The following STEAP1B variants were observed in gnomAD, a reference collection of about 807,000 sequenced individuals.
STEAP1B encodes the protein STEAP family protein MGC87042.
In STEAP1B, 13 loss-of-function variants were observed where a neutral mutation model predicts 27.9. The ratio of observed to expected loss-of-function variants is 0.47; its 90% confidence interval spans 0.30 to 0.74. STEAP1B has a LOEUF of 0.74. Among genes scored for constraint, STEAP1B ranks in the 30% least tolerant of loss-of-function variants. The pLI, the probability that STEAP1B is intolerant of heterozygous loss-of-function variation, is 0.06. For synonymous variants in STEAP1B, 86 were observed against 107.1 expected, an observed-to-expected ratio of 0.80 and a Z score of 1.22; for missense variants, 250 against 298.7, an observed-to-expected ratio of 0.84 and a Z score of 1.20.
intron 4 of STEAP1B, among the ~76,000 whole-genome samples, chr7:22,482,976 A>C (rs1039072121): frequency 7.9e-5 from 12 of 151,320 alleles, no homozygotes; most frequent in Non-Finnish European, 1.3e-4. Flanking sequence ...CACCTTGTCC[A>C]TTGACTGCCA....
intron 4 of STEAP1B, among the ~76,000 whole-genome samples, chr7:22,432,985 T>C (rs1157013981): frequency 1.3e-5 from 2 of 152,166 alleles, no homozygotes; most frequent in Admixed American, 1.3e-4. Context: ...TACTCAGCCC[T>C]TCAGCTCTGC....
chr7:22,451,685 T>C (rs893990042), intron 4 of STEAP1B, among the ~76,000 whole-genome samples: 11 of 152,240 alleles, frequency 7.2e-5, no homozygotes, highest in African/African-American at 2.7e-4. Context: ...ATGTATCATA[T>C]TGATTGATTT....
intron 4 of STEAP1B, among the ~76,000 whole-genome samples, chr7:22,480,290 C>T (rs1345767130): frequency 2.6e-5 from 4 of 152,330 alleles, no homozygotes; most frequent in Admixed American, 6.5e-5. Context: ...GGTCTTCCCA[C>T]ATACACAGCA....
chr7:22,473,634 G>T (rs1238186321), intron 4 of STEAP1B, among the ~76,000 whole-genome samples: 1 of 152,152 alleles, frequency 6.6e-6, no homozygotes, highest in Non-Finnish European at 1.5e-5. Flanking sequence ...CTACTACCTG[G>T]TCTCCAACCC....
At chr7:22,484,123 T>A (rs1786133347) in intron 4 of STEAP1B, among the ~76,000 whole-genome samples, 1 of 152,222 alleles carries the variant, frequency 6.6e-6, no homozygotes, top group South Asian at 2.1e-4. Flanking sequence ...ATGGAGAAGC[T>A]GTAGTGAGTT....
intron 4 of STEAP1B, among the ~76,000 whole-genome samples, chr7:22,453,422 T>C (rs1434631446): frequency 6.6e-6 from 1 of 152,200 alleles, no homozygotes; most frequent in Non-Finnish European, 1.5e-5. Flanking sequence ...TTGCAGTCAT[T>C]GGCCTCAGGG....
At chr7:22,460,713 G>A (rs1317495971) in intron 4 of STEAP1B, among the ~76,000 whole-genome samples, 1 of 152,144 alleles carries the variant, frequency 6.6e-6, no homozygotes, top group East Asian at 1.9e-4. Context: ...AGGGCCTGAG[G>A]CTGGGGCAGG....
chr7:22,497,568 A>C (rs1231804013), intron 1 of STEAP1B, among the ~76,000 whole-genome samples: 1 of 152,108 alleles, frequency 6.6e-6, no homozygotes, highest in Non-Finnish European at 1.5e-5. Context: ...TATGAACCCA[A>C]CTCTGTGACC....
chr7:22,493,278 T>C, intron 3 of STEAP1B, 46 bp downstream of exon 3: 1 of 1,527,494 alleles, frequency 6.5e-7, no homozygotes. Flanking sequence ...ATTTGTTAGG[T>C]GACTTAGACT....
intron 4 of STEAP1B, among the ~76,000 whole-genome samples, chr7:22,450,193 A>G (rs903806708): frequency 3.5e-4 from 51 of 146,680 alleles, no homozygotes; most frequent in African/African-American, 1.4e-3. Context: ...GTATTACTCA[A>G]GTGCTTGTGG....
In STEAP1B at chr7:22,477,074, C is replaced by T. The variant is rs546633255; in HGVS notation, c.762+15491G>A. On this transcript the variant is annotated intron_variant, in intron 4 of 4. Transcript: ENST00000678116. ...CTGAGTAACCTAATCAAGGAAGTGA[C>T]GTCACGCACCTTCCCCATACAAGGG... Among the ~76,000 whole-genome samples the T allele has an allele frequency of 8.2e-4, 125 of 152,300 alleles. 2 individuals carry two copies. The South Asian group carries it at 0.014, about 17-fold the overall frequency.
At chr7:22,436,255 T>C (rs1007295316) in intron 4 of STEAP1B, among the ~76,000 whole-genome samples, 8 of 152,204 alleles carry the variant, frequency 5.3e-5, no homozygotes, top group Non-Finnish European at 1.0e-4. Flanking sequence ...GCTGTACATA[T>C]GTAATGTGTA....
At chr7:22,428,838 C>T (rs973267266) in intron 4 of STEAP1B, among the ~76,000 whole-genome samples, 4 of 151,958 alleles carry the variant, frequency 2.6e-5, no homozygotes, top group African/African-American at 9.7e-5. Flanking sequence ...ATACATATGA[C>T]TAAGGTGAGT....
At chr7:22,439,129 C>T (rs2528844) in intron 4 of STEAP1B, among the ~76,000 whole-genome samples, 7 of 151,892 alleles carry the variant, frequency 4.6e-5, no homozygotes, top group African/African-American at 1.7e-4. Flanking sequence ...TAAAGAAGCA[C>T]CAGCTTCTAC....
chr7:22,427,845 G>A (rs192636000), intron 4 of STEAP1B, among the ~76,000 whole-genome samples: 1 of 152,226 alleles, frequency 6.6e-6, no homozygotes, highest in Non-Finnish European at 1.5e-5. Flanking sequence ...AATGAGGAAA[G>A]GTACGAGTAG....
At chr7:22,483,696 C>T (rs1275325472) in intron 4 of STEAP1B, among the ~76,000 whole-genome samples, 2 of 152,158 alleles carry the variant, frequency 1.3e-5, no homozygotes, top group African/African-American at 4.8e-5. Flanking sequence ...TTTTGGGATA[C>T]CACAACTCTG....
chr7:22,458,271 TTTAG>T (rs1785620306), intron 4 of STEAP1B, among the ~76,000 whole-genome samples: 1 of 152,138 alleles, frequency 6.6e-6, no homozygotes, highest in Admixed American at 6.5e-5. Context: ...AACAAACATA[TTTAG>T]TTAGTGTACT....
intron 4 of STEAP1B, among the ~76,000 whole-genome samples, chr7:22,468,082 A>G (rs1047389830): frequency 2.0e-5 from 3 of 152,200 alleles, no homozygotes; most frequent in African/African-American, 7.2e-5. Flanking sequence ...TTGAAATTCA[A>G]ATTTAACTTG....
At chr7:22,456,480 G>C (rs1785580077) in intron 4 of STEAP1B, among the ~76,000 whole-genome samples, 1 of 152,108 alleles carries the variant, frequency 6.6e-6, no homozygotes, top group Non-Finnish European at 1.5e-5. Flanking sequence ...TAACCCCAAG[G>C]CTAGCCCAGG....
Sources: allele counts gnomAD v4.1 joint callset (sites outside exome capture counted in the v4.1 genomes callset), GRCh38; gene constraint gnomAD v4.1.1; transcripts MANE v1.5; gene names NCBI Gene and HGNC (gene_info 2026-07-23, HGNC 2026-07-21).